GALNTL6: variants seen among roughly 807,000 people sequenced by gnomAD.
The protein encoded by GALNTL6 is polypeptide N-acetylgalactosaminyltransferase-like 6.
In GALNTL6, 46 loss-of-function variants were observed where a neutral mutation model predicts 73.7. The ratio of observed to expected loss-of-function variants is 0.62; its 90% CI spans 0.49 to 0.80. The LOEUF is 0.80. Among genes scored for constraint, GALNTL6 ranks in the 30% least tolerant of loss-of-function variants. GALNTL6 has a pLI of 0.00. For synonymous variants in GALNTL6, 259 were observed against 263.7 expected (o/e 0.98, Z 0.17); for missense variants, 604 against 755.0 (o/e 0.80, Z 2.34).
intron 5 of GALNTL6, chr4:172,425,203 T>G (rs531139164): frequency 6.6e-6 from 1 of 152,206 alleles, no homozygotes; most frequent in East Asian, 1.9e-4. Context: ...CTTAGTTATA[T>G]CTATACTAAC....
At chr4:172,681,199 G>C (rs1384424234) in intron 5 of GALNTL6, among the ~76,000 whole-genome samples, 1 of 152,028 alleles carries the variant, frequency 6.6e-6, no homozygotes, top group East Asian at 1.9e-4. Context: ...ACCTCCCCAG[G>C]TTTGTTCCTT....
chr4:171,933,621 A>G (rs924599173), intron 2 of GALNTL6, among the ~76,000 whole-genome samples: 6 of 152,172 alleles, frequency 3.9e-5, no homozygotes, highest in Admixed American at 3.3e-4. Context: ...AAATTCTGCA[A>G]AACAATTTGT....
intron 7 of GALNTL6, among the ~76,000 whole-genome samples, chr4:172,830,966 C>G (rs1330618335): frequency 1.3e-5 from 2 of 151,910 alleles, no homozygotes; most frequent in African/African-American, 4.8e-5. Context: ...TTGAGACCAG[C>G]CTGACCGACA....
intron 2 of GALNTL6, among the ~76,000 whole-genome samples, chr4:171,968,706 G>A (rs1375238617): frequency 1.3e-5 from 2 of 152,160 alleles, no homozygotes; most frequent in African/African-American, 4.8e-5. Context: ...AGCCTCAGAT[G>A]ATAAGAACTG....
intron 2 of GALNTL6, among the ~76,000 whole-genome samples, chr4:172,169,072 G>GT (rs1349545893): frequency 5.9e-5 from 9 of 152,180 alleles, no homozygotes; most frequent in Admixed American, 5.2e-4. Context: ...TTCTTGGTAT[G>GT]TTATTCCTAG....
intron 7 of GALNTL6, among the ~76,000 whole-genome samples, chr4:172,855,932 G>A (rs6833917): frequency 0.59 from 89,819 of 151,976 alleles, 30,269 homozygotes; most frequent in East Asian, 0.91. Flanking sequence ...AACTTGTTTC[G>A]AGGCTGGGTC....
At chr4:172,017,515 G>GAGAACA (rs1223170364) in intron 2 of GALNTL6, among the ~76,000 whole-genome samples, 1 of 152,164 alleles carries the variant, frequency 6.6e-6, no homozygotes, top group East Asian at 1.9e-4. Context: ...AGTGCCAGGG[G>GAGAACA]AGAACAAGGT....
chr4:172,864,338 C>T (rs1386674966), intron 7 of GALNTL6, among the ~76,000 whole-genome samples: 2 of 152,184 alleles, frequency 1.3e-5, no homozygotes, highest in Non-Finnish European at 2.9e-5. Flanking sequence ...TCAATGCTTT[C>T]TCCCCTGTCC....
intron 9 of GALNTL6, among the ~76,000 whole-genome samples, chr4:172,931,614 G>T (rs530118068): frequency 6.6e-6 from 1 of 152,212 alleles, no homozygotes; most frequent in East Asian, 1.9e-4. Flanking sequence ...GCGGACCTGG[G>T]GCAGCCAGTT....
chr4:172,484,265 A>G (rs1309762515), intron 5 of GALNTL6, among the ~76,000 whole-genome samples: 5 of 152,234 alleles, frequency 3.3e-5, no homozygotes, highest in Admixed American at 6.5e-5. Context: ...TCCATTCACG[A>G]CAACAAAAAA....
At chr4:172,436,913 C>G (rs1008830943) in intron 5 of GALNTL6, among the ~76,000 whole-genome samples, 5 of 152,090 alleles carry the variant, frequency 3.3e-5, no homozygotes, top group Non-Finnish European at 7.4e-5. Context: ...TCTAGCTGTT[C>G]TACTGTGCTT....
At chr4:172,050,837 A>G (rs531795450) in intron 2 of GALNTL6, among the ~76,000 whole-genome samples, 1 of 152,268 alleles carries the variant, frequency 6.6e-6, no homozygotes, top group African/African-American at 2.4e-5. Context: ...CTCCCTCTCA[A>G]TGATTCAAGT....
chr4:172,384,566 TG>T (rs1380091620), intron 5 of GALNTL6, among the ~76,000 whole-genome samples: 2 of 152,090 alleles, frequency 1.3e-5, no homozygotes, highest in Admixed American at 6.6e-5. Flanking sequence ...TTTTCTTTAT[TG>T]TTTTTTTTTC....
intron 5 of GALNTL6, among the ~76,000 whole-genome samples, chr4:172,459,439 T>C (rs1242451967): frequency 6.6e-6 from 1 of 152,240 alleles, no homozygotes; most frequent in Non-Finnish European, 1.5e-5. Flanking sequence ...TGTATGCAGA[T>C]GACATGATTG....
intron 5 of GALNTL6, among the ~76,000 whole-genome samples, chr4:172,560,802 A>G (rs564942876): frequency 3.3e-5 from 5 of 152,220 alleles, no homozygotes; most frequent in Non-Finnish European, 1.5e-5. Context: ...AGCTGATAAA[A>G]TATTTCACAT....
At chr4:172,807,103 C>T (rs1280850853) in intron 5 of GALNTL6, among the ~76,000 whole-genome samples, 1 of 152,136 alleles carries the variant, frequency 6.6e-6, no homozygotes, top group Non-Finnish European at 1.5e-5. Flanking sequence ...AAGCTACAGT[C>T]TTACACACAG....
intron 7 of GALNTL6, among the ~76,000 whole-genome samples, chr4:172,870,359 G>A (rs1027524222): frequency 3.2e-4 from 48 of 152,162 alleles, no homozygotes; most frequent in African/African-American, 9.9e-4. Flanking sequence ...AAACCACCAC[G>A]TCCAGCCTGA....
intron 5 of GALNTL6, among the ~76,000 whole-genome samples, chr4:172,614,216 G>C (rs1738634165): frequency 6.6e-6 from 1 of 152,014 alleles, no homozygotes; most frequent in African/African-American, 2.4e-5. Flanking sequence ...TTATGTAATA[G>C]AGTGATAGGT....
At chr4:172,081,612 T>C (rs1362301676) in intron 2 of GALNTL6, among the ~76,000 whole-genome samples, 1 of 152,136 alleles carries the variant, frequency 6.6e-6, no homozygotes, top group Non-Finnish European at 1.5e-5. Context: ...CACTCCAGCC[T>C]GGTGACAGAG....
Sources: gnomAD v4.1 joint callset for allele counts (sites outside exome capture counted in the v4.1 genomes callset) on GRCh38, gnomAD v4.1.1 for gene constraint, MANE v1.5 for transcripts, NCBI Gene and HGNC (gene_info 2026-07-23, HGNC 2026-07-21) for gene names.